EME2: variants seen among roughly 807,000 people sequenced by gnomAD.
EME2 encodes the protein structure-specific endonuclease subunit EME2.
EME2 carries 58 observed loss-of-function variants against 41.9 expected under a neutral mutation model. That is an observed-to-expected ratio of 1.38 (90% CI 1.12 to 1.72). The LOEUF is 1.72. EME2 is among the 40% of genes most tolerant of loss of function. The pLI, the probability that EME2 is intolerant of heterozygous loss-of-function variation, is 0.00. For missense variants in EME2, 695 were observed against 541.9 expected (o/e 1.28, Z -2.81); for synonymous variants, 334 against 239.3 (o/e 1.40, Z -3.65).
Position 1,777,411 on chromosome 16 carries a change from ATC to A in EME2, c.*1177_*1178del. On this transcript the variant is annotated 3_prime_UTR_variant, in exon 8 of 8. Coordinates refer to ENST00000568449, the MANE Select transcript of EME2 (RefSeq NM_001257370.2). ...GCCGTGGAGCACACCATCGGGTAGA[ATC>A]TCTTGTTCTGCAGCTTGGTGGCTGC... The A allele has an allele frequency of 6.4e-7, 1 of 1,565,164 alleles. No homozygotes were observed. Among genetic ancestry groups the A allele is most frequent in the Non-Finnish European group, 8.6e-7 (1 of 1,158,250 alleles).
At position 1,773,779 on chromosome 16, in the gene EME2, C is replaced by A. The variant is rs1158024218; in HGVS notation, c.322C>A (p.Pro108Thr). 31 of 1,552,068 alleles carry A rather than the reference C, an allele frequency of 2.0e-5. No individual in the cohort carries two copies. The highest frequency in any genetic ancestry group is 2.5e-5 in the Non-Finnish European group (29 of 1,149,492). ...CCTGGGCTGCGAGTGCCGCATCGAGCCCCAGCGCCCGGCCCGCAGCCTGCG... is the reference window on the plus strand; with the variant it reads ...CCTGGGCTGCGAGTGCCGCATCGAGACCCAGCGCCCGGCCCGCAGCCTGCG... ...EALGCECRIE[P>T]QRPARSLRWT... Residue 108 changes from proline to threonine, a missense_variant, in exon 2 of 8, where the codon CCC becomes ACC. Physicochemically the swap from Pro to Thr is conservative, Grantham distance 38. Transcript: ENST00000568449.
Position 1,773,223 on chromosome 16 carries a change from C to A in EME2, c.-5C>A, listed in dbSNP as rs556237883. 3.7e-5 allele frequency: 54 copies of A among 1,443,262 alleles called. No homozygotes were observed. The South Asian group carries it at 7.8e-4, about 21-fold the overall frequency. The allele number at this position is 1,443,262 out of a possible 1,614,324, so 89.4% of individuals were successfully genotyped here. A position where few individuals can be genotyped will look rare whatever the true frequency, so the allele number is the denominator to read the frequency against. On this transcript the variant is annotated 5_prime_UTR_variant, in exon 1 of 8. Transcript: ENST00000568449. ...GCCGGAAGCGAGGAAGAGGTCGGTC[C>A]GGCCATGGCGCGGGTTGGACCCGGG...
Position 1,778,316 on chromosome 16 carries a change from C to T in EME2, c.*2078C>T. 6 of 1,612,242 alleles carry T rather than the reference C, an allele frequency of 3.7e-6. No homozygotes were observed. The highest frequency in any genetic ancestry group is 4.5e-5 in the East Asian group (2 of 44,876). Reference sequence around the variant, plus strand: ...TTATTTAAGTCATCCCAGACCCAGTCGAAATCTGCAAGAGAGGCCCAGGCT... The same window carrying T: ...TTATTTAAGTCATCCCAGACCCAGTTGAAATCTGCAAGAGAGGCCCAGGCT... On this transcript the variant is annotated 3_prime_UTR_variant, in exon 8 of 8. Coordinates refer to ENST00000568449, the MANE Select transcript of EME2 (RefSeq NM_001257370.2).
chr16:1,778,014 T>A lies in EME2; in HGVS notation c.*1776T>A. The A allele has an allele frequency of 1.2e-6, 2 of 1,613,162 alleles. No individual in the cohort carries two copies. The highest frequency in any genetic ancestry group is 1.7e-6 in the Non-Finnish European group (2 of 1,179,976). On this transcript the variant is annotated 3_prime_UTR_variant, in exon 8 of 8. Coordinates refer to ENST00000568449, the MANE Select transcript of EME2 (RefSeq NM_001257370.2). ...GCTGCAGAACGTGTGGCGGTATTTGTCCAGGTCCACATCCGACGTCCCGAT... is the reference window on the plus strand; with the variant it reads ...GCTGCAGAACGTGTGGCGGTATTTGACCAGGTCCACATCCGACGTCCCGAT...
Position 1,777,140 on chromosome 16 carries a change from C to T in EME2, c.*902C>T, listed in dbSNP as rs200573279. The T allele has an allele frequency of 6.0e-5, 97 of 1,611,638 alleles. No homozygotes were observed. Among genetic ancestry groups the T allele is most frequent in the African/African-American group, 3.1e-4 (23 of 75,040 alleles). ...CTTCCTCTGGCAGGGCCGAGGCTCG[C>T]GACTGCTGGGGTGGGCGGAGGTCGC... is the stretch of plus-strand genomic sequence containing the variant. On this transcript the variant is annotated 3_prime_UTR_variant, in exon 8 of 8. Transcript: ENST00000568449.
rs757044439 is a variant in EME2 at position 1,777,388 on chromosome 16, C to T, written c.*1150C>T. 27 of 1,592,932 alleles carry T rather than the reference C, an allele frequency of 1.7e-5. No homozygotes were observed. The highest frequency in any genetic ancestry group is 3.4e-5 in the Admixed American group (2 of 59,048). On this transcript the variant is annotated 3_prime_UTR_variant, in exon 8 of 8. Transcript: ENST00000568449. The stretch of plus-strand genomic sequence containing the variant: ...TGACCTTCATGCTGCTCCGGGCCGC[C>T]GTGGAGCACACCATCGGGTAGAATC...
chr16:1,773,509 G>T, intron 1 of EME2, 35 bp downstream of exon 1: 4 of 1,568,616 alleles, frequency 2.6e-6, no homozygotes, highest in Non-Finnish European at 3.4e-6. Context: ...CTCGGGGTAG[G>T]AAAGGCCTTT....
rs563671780 is a variant in EME2 at position 1,781,585 on chromosome 16, G to A, written c.*5347G>A. The A allele has an allele frequency of 3.6e-4, 502 of 1,398,202 alleles. 2 individuals are homozygous for A. The highest frequency in any genetic ancestry group is 4.6e-4 in the Non-Finnish European group (470 of 1,030,050). The allele number at this position is 1,398,202 out of a possible 1,614,324, so 86.6% of individuals were successfully genotyped here. On this transcript the variant is annotated 3_prime_UTR_variant, in exon 8 of 8. Coordinates refer to ENST00000568449, the MANE Select transcript of EME2 (RefSeq NM_001257370.2). ...GCTGGGCCACGGACCCACTCAAAGT[G>A]GGGACTGCAGGGGCCGCACCGGTGC...
Position 1,773,036 on chromosome 16 carries a change from C to A in EME2, c.-192C>A, listed in dbSNP as rs1163987259. The A allele has an allele frequency of 6.3e-6, 9 of 1,436,948 alleles. No homozygotes were observed. The highest frequency in any genetic ancestry group is 6.4e-6 in the Non-Finnish European group (7 of 1,096,512). 89.0% of individuals were successfully genotyped at this position (1,436,948 alleles called of 1,614,324 possible). A position where few individuals can be genotyped will look rare whatever the true frequency, so the allele number is the denominator to read the frequency against. On this transcript the variant is annotated 5_prime_UTR_variant, in exon 1 of 8. Coordinates refer to ENST00000568449, the MANE Select transcript of EME2 (RefSeq NM_001257370.2). ...CCACCGCGTAGAGCTGGGAGTCGCG[C>A]GGCCTGTTCAGTTGCTCCCGCAGGG...
rs753870497 is a variant in EME2, at chr16:1,781,300, G to A, written c.*5062G>A. ...GTGTTCAGGTAATGTCTGCCTGCCT[G>A]CCTAGGGCATCTCCACACCTTAGGC... On this transcript the variant is annotated 3_prime_UTR_variant, in exon 8 of 8. Coordinates refer to ENST00000568449, the MANE Select transcript of EME2 (RefSeq NM_001257370.2). The A allele has an allele frequency of 1.9e-6, 3 of 1,612,526 alleles. No individual in the cohort carries two copies. Among genetic ancestry groups the A allele is most frequent in the Non-Finnish European group, 2.5e-6 (3 of 1,179,972 alleles).
rs1019934145 is a variant in EME2 at position 1,777,614 on chromosome 16, C to G, written c.*1376C>G. ...CCAGCCTGGCCTCACTGTCCCACCC[C>G]CTGGGACCCTGGGGCCTCAGGCTTC... On this transcript the variant is annotated 3_prime_UTR_variant, in exon 8 of 8. Coordinates refer to ENST00000568449, the MANE Select transcript of EME2 (RefSeq NM_001257370.2). 1.4e-6 allele frequency: 2 copies of G among 1,465,292 alleles called. No homozygotes were observed. The highest frequency in any genetic ancestry group is 1.8e-6 in the Non-Finnish European group (2 of 1,089,378). 90.8% of individuals were successfully genotyped at this position (1,465,292 alleles called of 1,614,324 possible).
chr16:1,779,718 A>C lies in EME2; in HGVS notation c.*3480A>C, dbSNP rs1469880756. ...CTGGAGAAGGAGAAAGACTGAAGCCACTGCCTACCTCCTGCCCACAACAGA... is the reference window on the plus strand; with the variant it reads ...CTGGAGAAGGAGAAAGACTGAAGCCCCTGCCTACCTCCTGCCCACAACAGA... On this transcript the variant is annotated 3_prime_UTR_variant, in exon 8 of 8. Transcript: ENST00000568449. 1 of 152,436 alleles carries C rather than the reference A, an allele frequency of 6.6e-6. No individual in the cohort carries two copies. Among genetic ancestry groups the C allele is most frequent in the African/African-American group, 2.4e-5 (1 of 41,452 alleles). 9.4% of individuals were successfully genotyped at this position (152,436 alleles called of 1,614,324 possible). A position where few individuals can be genotyped will look rare whatever the true frequency, so the allele number is the denominator to read the frequency against.
chr16:1,781,436 A>C lies in EME2; in HGVS notation c.*5198A>C, dbSNP rs773246869. The C allele has an allele frequency of 3.1e-6, 5 of 1,612,516 alleles. No individual in the cohort carries two copies. In the East Asian group the frequency reaches 8.9e-5, roughly 29 times the overall value. ...GGGCATCTGCGTCTCGGCGGGCTGC[A>C]CTCAGGACGAAGTGCCAGGCCCTGC... On this transcript the variant is annotated 3_prime_UTR_variant, in exon 8 of 8. Transcript: ENST00000568449.
Position 1,775,689 on chromosome 16 carries a change from G to C in EME2, c.779+5G>C. On this transcript the variant is annotated splice_donor_5th_base_variant and intron_variant, in intron 6 of 7. Transcript: ENST00000568449. ...TCTCGCCCAGTATCCCCTCAAGTGCGTGATGCCAAGGCTGAAGGGGGGCAG... is the reference window on the plus strand; with the variant it reads ...TCTCGCCCAGTATCCCCTCAAGTGCCTGATGCCAAGGCTGAAGGGGGGCAG... 6.2e-7 allele frequency: 1 copy of C among 1,612,938 alleles called. No homozygotes were observed. Among genetic ancestry groups the C allele is most frequent in the South Asian group, 1.1e-5 (1 of 91,086 alleles).
In EME2 at chr16:1,774,835, G is replaced by A. The variant is rs908959575; in HGVS notation, c.478-206G>A. On this transcript the variant is annotated intron_variant, in intron 3 of 7. Transcript: ENST00000568449. Reference sequence around the variant, plus strand: ...AATGGAACTGACATGTGCCCGAGCAGCCACTCCAGGGTCTCCTTAGCCTCT... The same window carrying A: ...AATGGAACTGACATGTGCCCGAGCAACCACTCCAGGGTCTCCTTAGCCTCT... 2.5e-5 allele frequency: 16 copies of A among 637,516 alleles called. No individual in the cohort carries two copies. In the African/African-American group the frequency reaches 2.5e-4, roughly 10 times the overall value. The allele number at this position is 637,516 out of a possible 1,614,324, so 39.5% of individuals were successfully genotyped here. A position where few individuals can be genotyped will look rare whatever the true frequency, so the allele number is the denominator to read the frequency against.
rs2042714744 is a variant in EME2 at position 1,776,463 on chromosome 16, T to C, written c.*225T>C. 9.4e-6 allele frequency: 5 copies of C among 531,432 alleles called. No individual in the cohort carries two copies. The South Asian group carries it at 1.3e-4, about 13-fold the overall frequency. 32.9% of individuals were successfully genotyped at this position (531,432 alleles called of 1,614,324 possible). ...GATGGCTGGCGGTTCCTGTGCTGAG[T>C]CCTGAACACGTAGGCCCCAGGGGAG... On this transcript the variant is annotated 3_prime_UTR_variant, in exon 8 of 8. Transcript: ENST00000568449.
In EME2 at chr16:1,773,353, C is replaced by T. The variant is rs759088332; in HGVS notation, c.126C>T (p.Ala42=). 21 of 1,520,096 alleles carry T rather than the reference C, an allele frequency of 1.4e-5. No homozygotes were observed. Among genetic ancestry groups the T allele is most frequent in the Non-Finnish European group, 1.8e-5 (21 of 1,144,892 alleles). 94.2% of individuals were successfully genotyped at this position (1,520,096 alleles called of 1,614,324 possible). ...CAGACTCCGACGCTGAGGACTCCGC[C>T]GGCTCGGAGGCCGCCGCGAGAGCCC... The part of the protein sequence containing the change: ...EISDSDAEDS[A]GSEAAARARD... Residue 42 remains alanine (A), a synonymous_variant, in exon 1 of 8, where the codon GCC becomes GCT. Coordinates refer to ENST00000568449, the MANE Select transcript of EME2 (RefSeq NM_001257370.2).
In EME2 at chr16:1,776,269, G is replaced by C; in HGVS notation, c.*31G>C. On this transcript the variant is annotated 3_prime_UTR_variant, in exon 8 of 8. Coordinates refer to ENST00000568449, the MANE Select transcript of EME2 (RefSeq NM_001257370.2). ...CGTGGGACCACCAGGACAGCATGCA[G>C]CCTTGGGGACAGACCAGACACCCTG... 1.2e-6 allele frequency: 2 copies of C among 1,608,954 alleles called. No homozygotes were observed. The highest frequency in any genetic ancestry group is 1.7e-6 in the Non-Finnish European group (2 of 1,177,616).
Position 1,778,036 on chromosome 16 carries a change from C to T in EME2, c.*1798C>T, listed in dbSNP as rs202092227. On this transcript the variant is annotated 3_prime_UTR_variant, in exon 8 of 8. Coordinates refer to ENST00000568449, the MANE Select transcript of EME2 (RefSeq NM_001257370.2). The stretch of plus-strand genomic sequence containing the variant: ...TTGTCCAGGTCCACATCCGACGTCC[C>T]GATGCCCACCATCTAGGAACAGGGG... 11 of 1,613,208 alleles carry T rather than the reference C, an allele frequency of 6.8e-6. No individual in the cohort carries two copies. Among genetic ancestry groups the T allele is most frequent in the East Asian group, 6.7e-5 (3 of 44,858 alleles).
Sources: gnomAD v4.1 joint callset for allele counts on GRCh38, gnomAD v4.1.1 for gene constraint, MANE v1.5 for transcripts, NCBI Gene and HGNC (gene_info 2026-07-23, HGNC 2026-07-21) for gene names.